The following CNOT4 variants were observed in gnomAD, a reference collection of about 807,000 sequenced individuals.
The protein encoded by CNOT4 is CCR4-NOT transcription complex subunit 4.
In CNOT4, 8 loss-of-function variants were observed where a neutral mutation model predicts 73.8. That is an observed-to-expected ratio of 0.11 (90% confidence interval 0.06 to 0.20). The LOEUF is 0.20. Ranked by LOEUF, CNOT4 falls within the 10% of genes least tolerant of loss-of-function variation. The pLI is 1.00. For synonymous variants in CNOT4, 293 were observed against 321.1 expected (o/e 0.91, Z 0.94); for missense variants, 564 against 883.4 (o/e 0.64, Z 4.58).
intron 1 of CNOT4, among the ~76,000 whole-genome samples, chr7:135,455,712 T>C (rs530391829): frequency 7.9e-5 from 12 of 151,970 alleles, no homozygotes; most frequent in Admixed American, 5.9e-4. Flanking sequence ...CTATCTCTAC[T>C]AAAAATAAAA....
intron 1 of CNOT4, among the ~76,000 whole-genome samples, chr7:135,467,465 C>G (rs1801291844): frequency 6.6e-6 from 1 of 152,094 alleles, no homozygotes; most frequent in African/African-American, 2.4e-5. Flanking sequence ...AATCCCGGCA[C>G]TTTGGGAGGC....
At chr7:135,401,616 T>C (rs1167397965) in intron 7 of CNOT4, among the ~76,000 whole-genome samples, 1 of 152,070 alleles carries the variant, frequency 6.6e-6, no homozygotes, top group Non-Finnish European at 1.5e-5. Context: ...CAAAAAGCAG[T>C]GGGGCAGAAG....
chr7:135,375,665 C>T (rs1795476409), intron 10 of CNOT4, among the ~76,000 whole-genome samples: 1 of 152,178 alleles, frequency 6.6e-6, no homozygotes. Flanking sequence ...TGGCTCACGC[C>T]TGTAATCCCA....
At chr7:135,498,624 C>A (rs1372615063) in intron 1 of CNOT4, among the ~76,000 whole-genome samples, 1 of 152,194 alleles carries the variant, frequency 6.6e-6, no homozygotes, top group Non-Finnish European at 1.5e-5. Flanking sequence ...TCTTGGCTCA[C>A]TGCAACCTCC....
intron 5 of CNOT4, among the ~76,000 whole-genome samples, 200 bp downstream of exon 5, chr7:135,414,131 G>A (rs1797722571): frequency 6.6e-6 from 1 of 151,924 alleles, no homozygotes; most frequent in Admixed American, 6.6e-5. Context: ...TAATGAATGT[G>A]TTTATTCCTA....
chr7:135,422,687 G>A (rs1447425347), intron 2 of CNOT4, among the ~76,000 whole-genome samples: 1 of 152,114 alleles, frequency 6.6e-6, no homozygotes, highest in Non-Finnish European at 1.5e-5. Context: ...TGCTATGTAA[G>A]AGGCAAGGAG....
Position 135,456,529 on chromosome 7 carries a change from G to T in CNOT4, c.-92-18106C>A, listed in dbSNP as rs535088031. On this transcript the variant is annotated intron_variant, in intron 1 of 11. Coordinates refer to ENST00000541284, the MANE Select transcript of CNOT4 (RefSeq NM_001190850.2). ...TATATAATATGAAATATAATCATCC[G>T]TCGGTATCATTGGAGGACTTGTTCC... 3.9e-5 allele frequency among the ~76,000 whole-genome samples: 6 copies of T among 152,052 alleles called. No individual in the cohort carries two copies. In the East Asian group the frequency reaches 1.2e-3, roughly 29 times the overall value.
chr7:135,432,916 G>A lies in CNOT4; in HGVS notation c.174+5242C>T, dbSNP rs140063380. 1.3e-3 allele frequency among the ~76,000 whole-genome samples: 194 copies of A among 152,262 alleles called. 1 individual carries two copies. Among genetic ancestry groups the A allele is most frequent in the African/African-American group, 4.5e-3 (187 of 41,542 alleles). On this transcript the variant is annotated intron_variant, in intron 2 of 11. Coordinates refer to ENST00000541284, the MANE Select transcript of CNOT4 (RefSeq NM_001190850.2). ...TTCGGATTCCTTGTCTTTTACATGC[G>A]ATCTGCTATTTTCCTCTGTGGAAGC... is the stretch of plus-strand genomic sequence containing the variant.
chr7:135,482,555 AAAAG>A (rs1267930015), intron 1 of CNOT4, among the ~76,000 whole-genome samples: 2 of 152,140 alleles, frequency 1.3e-5, no homozygotes, highest in African/African-American at 4.8e-5. Context: ...CTGTATCAAA[AAAAG>A]AAAGAAAGAA....
At chr7:135,409,253 C>A (rs80070838) in intron 7 of CNOT4, among the ~76,000 whole-genome samples, 1 of 152,034 alleles carries the variant, frequency 6.6e-6, no homozygotes, top group Non-Finnish European at 1.5e-5. Flanking sequence ...AATAACCATA[C>A]AGGGCTAGAA....
chr7:135,453,569 G>A (rs780094441), intron 1 of CNOT4, among the ~76,000 whole-genome samples: 2 of 151,802 alleles, frequency 1.3e-5, no homozygotes, highest in Non-Finnish European at 2.9e-5. Context: ...GGCATAAGGG[G>A]ACATGGAGGA....
intron 2 of CNOT4, among the ~76,000 whole-genome samples, chr7:135,426,459 C>T (rs772103633): frequency 6.6e-6 from 1 of 151,640 alleles, no homozygotes; most frequent in African/African-American, 2.4e-5. Context: ...AAAAATTAGC[C>T]GGGTGTGGTG....
Position 135,364,815 on chromosome 7 carries a change from T to C in CNOT4, c.1628-749A>G, listed in dbSNP as rs1214370595. Among the ~76,000 whole-genome samples, 1 of 152,202 alleles carries C rather than the reference T, an allele frequency of 6.6e-6. No individual in the cohort carries two copies. The highest frequency in any genetic ancestry group is 1.5e-5 in the Non-Finnish European group (1 of 68,032). ...AATAGTATCAAACATGAGAAGACAC[T>C]AGCAACATAGAAAAGGCTTTTTATA... On this transcript the variant is annotated intron_variant, in intron 10 of 11. Transcript: ENST00000541284. The surrounding 1 kb of genome is among the most constrained non-coding windows in gnomAD (Gnocchi z 4.3).
chr7:135,395,728 G>T lies in CNOT4; in HGVS notation c.1035C>A (p.Asn345Lys), dbSNP rs768435127. Residue 345 changes from asparagine (N) to lysine (K), a missense_variant, in exon 9 of 12, where the codon AAC becomes AAA. Coordinates refer to ENST00000541284, the MANE Select transcript of CNOT4 (RefSeq NM_001190850.2). ...AAGGAGGAAGCCCACTTGGGATAGG[G>T]TTGGGATGGCGAAAATTGTCTGAGA... ...SLFSDNFRHP[N>K]PIPSGLPPFP... 1 of 1,614,032 alleles carries T rather than the reference G, an allele frequency of 6.2e-7. No individual in the cohort carries two copies. The highest frequency in any genetic ancestry group is 8.5e-7 in the Non-Finnish European group (1 of 1,179,944).
At chr7:135,478,420 T>C (rs1802136472) in intron 1 of CNOT4, among the ~76,000 whole-genome samples, 1 of 152,214 alleles carries the variant, frequency 6.6e-6, no homozygotes, top group South Asian at 2.1e-4. Context: ...ACCCTTAGCT[T>C]ACAAGTTGAA....
intron 2 of CNOT4, among the ~76,000 whole-genome samples, chr7:135,437,411 G>A (rs1295226832): frequency 1.3e-5 from 2 of 151,924 alleles, no homozygotes; most frequent in East Asian, 1.9e-4. Flanking sequence ...GGATGGTCTC[G>A]ATCTCCTGAC....
At chr7:135,370,196 G>T (rs1180036991) in intron 10 of CNOT4, among the ~76,000 whole-genome samples, 1 of 152,158 alleles carries the variant, frequency 6.6e-6, no homozygotes, top group Non-Finnish European at 1.5e-5. Context: ...AGATCTGAAA[G>T]TAGAATTTGG....
intron 1 of CNOT4, among the ~76,000 whole-genome samples, chr7:135,461,554 G>A (rs955714662): frequency 1.6e-4 from 25 of 152,050 alleles, no homozygotes; most frequent in Admixed American, 5.9e-4. Flanking sequence ...AGCAGAGGCC[G>A]GGCGCAGTGG....
chr7:135,380,264 T>A (rs1329019471), intron 10 of CNOT4, among the ~76,000 whole-genome samples: 2 of 152,196 alleles, frequency 1.3e-5, no homozygotes, highest in Non-Finnish European at 2.9e-5. Flanking sequence ...TACTATAAGT[T>A]TTTTTCCATT....
Sources: allele counts gnomAD v4.1 joint callset (sites outside exome capture counted in the v4.1 genomes callset), GRCh38; gene constraint gnomAD v4.1.1; non-coding constraint Gnocchi (gnomAD v3.1); transcripts MANE v1.5; gene names NCBI Gene and HGNC (gene_info 2026-07-23, HGNC 2026-07-21).